ENTPD1: variants seen among roughly 807,000 people sequenced by gnomAD.
The protein encoded by ENTPD1 is ectonucleoside triphosphate diphosphohydrolase 1, also known as ATP diphosphohydrolase.
In ENTPD1, 33 loss-of-function variants were observed where a neutral mutation model predicts 57.0. The ratio of observed to expected loss-of-function variants is 0.58; its 90% CI spans 0.44 to 0.77. ENTPD1 has a LOEUF of 0.77. ENTPD1 is among the 30% of genes least tolerant of loss of function. ENTPD1 has a pLI of 0.00. For missense variants in ENTPD1, 501 were observed against 603.4 expected, an observed-to-expected ratio of 0.83 and a Z score of 1.78; for synonymous variants, 202 against 218.8, an observed-to-expected ratio of 0.92 and a Z score of 0.68.
the ENTPD1 span, among the ~76,000 whole-genome samples, chr10:95,696,902 C>G: frequency 6.6e-6 from 1 of 152,200 alleles, no homozygotes; most frequent in African/African-American, 2.4e-5. Context: ...GTCCTTTTCC[C>G]ACTTCTCCCC....
upstream of ENTPD1, among the ~76,000 whole-genome samples, chr10:95,708,125 C>G (rs577880324): frequency 6.6e-6 from 1 of 152,002 alleles, no homozygotes; most frequent in Non-Finnish European, 1.5e-5. Flanking sequence ...TTTTGGAGGG[C>G]CATAGGTCAG....
chr10:95,804,740 C>T (rs2140367060), intron 1 of ENTPD1, among the ~76,000 whole-genome samples: 1 of 152,330 alleles, frequency 6.6e-6, no homozygotes, highest in East Asian at 1.9e-4. Flanking sequence ...TGAGAGAGGG[C>T]ATCCCTGTCT....
chr10:95,736,750 G>T (rs1310359114), intron 1 of ENTPD1, among the ~76,000 whole-genome samples: 1 of 151,994 alleles, frequency 6.6e-6, no homozygotes, highest in African/African-American at 2.4e-5. Context: ...TATGCACATC[G>T]GGGGCCATAA....
chr10:95,864,846 C>T lies in ENTPD1; in HGVS notation c.1311C>T (p.Ile437=). Residue 437 remains isoleucine, a synonymous_variant, in exon 9 of 10, where the codon ATC becomes ATT. Transcript: ENST00000371205. ...YHFTADSWEH[I]HFIGKIQGSD... ...TCACAGCTGATTCCTGGGAGCACATCCATTTCATTGGCAAGGTAATTTGGG... is the reference window on the plus strand; with the variant it reads ...TCACAGCTGATTCCTGGGAGCACATTCATTTCATTGGCAAGGTAATTTGGG... 1 of 1,613,660 alleles carries T rather than the reference C, an allele frequency of 6.2e-7. No homozygotes were observed. Among genetic ancestry groups the T allele is most frequent in the East Asian group, 2.2e-5 (1 of 44,884 alleles).
intron 3 of ENTPD1, among the ~76,000 whole-genome samples, chr10:95,842,050 T>C (rs1184458005): frequency 6.6e-6 from 1 of 152,224 alleles, no homozygotes; most frequent in East Asian, 1.9e-4. Context: ...ACAGAGTAGC[T>C]ATCTATAATA....
rs2098477914 is a variant in ENTPD1 at position 95,869,279 on chromosome 10, T to C, written c.*2896T>C. 1.1e-6 allele frequency: 1 copy of C among 933,064 alleles called. No individual in the cohort carries two copies. Among genetic ancestry groups the C allele is most frequent in the Non-Finnish European group, 1.2e-6 (1 of 804,398 alleles). 57.8% of individuals were successfully genotyped at this position (933,064 alleles called of 1,614,324 possible). On this transcript the variant is annotated 3_prime_UTR_variant, in exon 10 of 10. Transcript: ENST00000371205. ...TTTTTTTTTTTTTTGAGAGAGAGTC[T>C]CACTCCATTGCCCAGGCTGGAGTGC...
intron 1 of ENTPD1, among the ~76,000 whole-genome samples, chr10:95,806,744 C>T (rs544087825): frequency 1.3e-5 from 2 of 152,326 alleles, no homozygotes; most frequent in African/African-American, 2.4e-5. Flanking sequence ...AACAGTCAGG[C>T]CCCTCTGCTG....
At chr10:95,708,504 G>A (rs1169280832), upstream of ENTPD1, among the ~76,000 whole-genome samples, 3 of 152,180 alleles carry the variant, frequency 2.0e-5, no homozygotes, top group East Asian at 1.9e-4. Flanking sequence ...GAGCTGCTGC[G>A]CCTGGCCCAG....
rs1263700503 is a variant in ENTPD1, at chr10:95,823,272, C to T, written c.52C>T (p.Leu18=). 7.4e-6 allele frequency: 12 copies of T among 1,614,030 alleles called. No individual in the cohort carries two copies. Among genetic ancestry groups the T allele is most frequent in the Non-Finnish European group, 1.0e-5 (12 of 1,180,002 alleles). The part of the protein sequence containing the change: ...NVKTFCSKNI[L]AILGFSSIIA... ...GAAGACATTTTGCTCCAAGAATATC[C>T]TAGCCATCCTTGGCTTCTCCTCTAT... Residue 18 remains leucine, a synonymous_variant, in exon 2 of 10, where the codon CTA becomes TTA. Transcript: ENST00000371205.
chr10:95,812,129 G>A (rs1271713640), intron 1 of ENTPD1, among the ~76,000 whole-genome samples: 1 of 150,076 alleles, frequency 6.7e-6, no homozygotes, highest in Non-Finnish European at 1.5e-5. Context: ...ACTTTTTAAG[G>A]TGTAAAGTTC....
intron 1 of ENTPD1, among the ~76,000 whole-genome samples, chr10:95,736,001 GT>G (rs35402062): frequency 8.8e-4 from 118 of 134,310 alleles, no homozygotes; most frequent in South Asian, 3.3e-3. Flanking sequence ...CATTTTCAAA[GT>G]TTTTTTTTTT....
intron 7 of ENTPD1, 88 bp from the exon 8 acceptor site, chr10:95,860,381 C>CACCT: frequency 9.7e-7 from 1 of 1,035,508 alleles, no homozygotes. Context: ...ACTTTCCAGG[C>CACCT]ACCTGCACAA....
the ENTPD1 span, among the ~76,000 whole-genome samples, chr10:95,703,627 C>T: frequency 6.6e-6 from 1 of 151,464 alleles, no homozygotes; most frequent in Admixed American, 6.6e-5. Context: ...ACTGAAAATA[C>T]AAAAATTAGC....
At position 95,871,193 on chromosome 10, in the gene ENTPD1, A is replaced by G. The variant is rs1044177337; in HGVS notation, c.*4810A>G. On this transcript the variant is annotated 3_prime_UTR_variant, in exon 10 of 10. Transcript: ENST00000371205. ...ATATGGCCAAGGCCATGAGTGATTAATTTTAACACAGGAAAAAAGTAAAGC... is the reference window on the plus strand; with the variant it reads ...ATATGGCCAAGGCCATGAGTGATTAGTTTTAACACAGGAAAAAAGTAAAGC... 2.0e-6 allele frequency: 2 copies of G among 985,386 alleles called. No homozygotes were observed. The highest frequency in any genetic ancestry group is 1.7e-5 in the African/African-American group (1 of 57,270). 61.0% of individuals were successfully genotyped at this position (985,386 alleles called of 1,614,324 possible). A position where few individuals can be genotyped will look rare whatever the true frequency, so the allele number is the denominator to read the frequency against.
At chr10:95,722,630 A>T (rs560206778) in intron 1 of ENTPD1, among the ~76,000 whole-genome samples, 1 of 112,826 alleles carries the variant, frequency 8.9e-6, no homozygotes, top group Non-Finnish European at 1.7e-5. Context: ...GGAACATCAC[A>T]CTCTGGGGAC....
intron 1 of ENTPD1, among the ~76,000 whole-genome samples, chr10:95,715,251 G>T (rs1278115312): frequency 1.3e-5 from 2 of 152,094 alleles, no homozygotes; most frequent in Non-Finnish European, 2.9e-5. Context: ...GGGCTCTGTG[G>T]TTAGGTGTTA....
chr10:95,814,903 A>G (rs2098324784), intron 1 of ENTPD1, among the ~76,000 whole-genome samples: 1 of 150,788 alleles, frequency 6.6e-6, no homozygotes, highest in African/African-American at 2.5e-5. Context: ...CTATTTTCTT[A>G]CCTGTGTCTC....
chr10:95,744,042 C>T (rs1555276257), intron 1 of ENTPD1, among the ~76,000 whole-genome samples: 1 of 79,112 alleles, frequency 1.3e-5, no homozygotes, highest in Non-Finnish European at 2.9e-5. Flanking sequence ...ATATGCACAA[C>T]TATAAATAGT....
Position 95,867,833 on chromosome 10 carries a change from TC to T in ENTPD1, c.*1454del. 2 of 985,416 alleles carry T rather than the reference TC, an allele frequency of 2.0e-6. No individual in the cohort carries two copies. Among genetic ancestry groups the T allele is most frequent in the Non-Finnish European group, 2.4e-6 (2 of 829,912 alleles). The allele number at this position is 985,416 out of a possible 1,614,324, so 61.0% of individuals were successfully genotyped here. A position where few individuals can be genotyped will look rare whatever the true frequency, so the allele number is the denominator to read the frequency against. On this transcript the variant is annotated 3_prime_UTR_variant, in exon 10 of 10. Coordinates refer to ENST00000371205, the MANE Select transcript of ENTPD1 (RefSeq NM_001776.6). ...TCTCACACAAACCGGAAGCCAAATG[TC>T]CCCTATCTCTTGAATGATCAAGTCA...
Sources: gnomAD v4.1 joint callset for allele counts (sites outside exome capture counted in the v4.1 genomes callset) on GRCh38, gnomAD v4.1.1 for gene constraint, MANE v1.5 for transcripts, NCBI Gene and HGNC (gene_info 2026-07-23, HGNC 2026-07-21) for gene names.